Variants in DEF8 observed in about 807,000 individuals in gnomAD.
DEF8 encodes the protein DEF-8.
In DEF8, 38 loss-of-function variants were observed where a neutral mutation model predicts 59.1. The ratio of observed to expected loss-of-function variants is 0.64; its 90% confidence interval spans 0.50 to 0.84. The LOEUF (loss-of-function observed/expected upper bound fraction) is 0.84, where lower values mean the gene tolerates loss of function less well. Ranked by LOEUF, DEF8 falls within the 40% of genes least tolerant of loss-of-function variation. The pLI is 0.00. For missense variants in DEF8, 557 were observed against 615.2 expected (o/e 0.91, Z 1.00); for synonymous variants, 265 against 250.1 (o/e 1.06, Z -0.56).
In DEF8 at chr16:89,965,841, C is replaced by T. The variant is rs371440432; in HGVS notation, c.1254-20C>T. The T allele has an allele frequency of 3.8e-6, 6 of 1,574,742 alleles. No individual in the cohort carries two copies. The highest frequency in any genetic ancestry group is 3.4e-4 in the Middle Eastern group (2 of 5,970). Reference sequence around the variant, plus strand: ...CTGGAGTTTCCTGTGCAGAGAGCCCCGACCTCTTTCTGCCCCCAGGGACTG... The same window carrying T: ...CTGGAGTTTCCTGTGCAGAGAGCCCTGACCTCTTTCTGCCCCCAGGGACTG... On this transcript the variant is annotated intron_variant, in intron 12 of 12. Transcript: ENST00000563594.
Position 89,954,054 on chromosome 16 carries a change from C to A in DEF8, c.-10-189C>A. 6.5e-6 allele frequency: 4 copies of A among 613,716 alleles called. No individual in the cohort carries two copies. The highest frequency in any genetic ancestry group is 1.9e-5 in the African/African-American group (1 of 53,874). 38.0% of individuals were successfully genotyped at this position (613,716 alleles called of 1,614,324 possible). On this transcript the variant is annotated intron_variant, in intron 2 of 12. Transcript: ENST00000563594. This position sits in a 1 kb window ranked among gnomAD's most constrained non-coding sequence, Gnocchi z 4.3. ...CCAAGGGGACGCCACCAGTGGGGGC[C>A]TGGGCAGGAGGCAGCTGAGGTGTTT...
intron 9 of DEF8, among the ~76,000 whole-genome samples, 198 bp from the exon 10 acceptor site, chr16:89,963,165 T>C (rs1255564795): frequency 6.6e-6 from 1 of 152,198 alleles, no homozygotes; most frequent in African/African-American, 2.4e-5. Context: ...GAGGGTTTTC[T>C]GGACCACGGT....
chr16:89,959,393 A>G (rs1269042373), intron 6 of DEF8: 5 of 1,392,944 alleles, frequency 3.6e-6, no homozygotes, highest in Non-Finnish European at 4.7e-6. Context: ...TACAATGAAG[A>G]AAAAGGGAAA....
At chr16:89,958,758 A>C (rs1224025105) in intron 5 of DEF8, among the ~76,000 whole-genome samples, 1 of 152,142 alleles carries the variant, frequency 6.6e-6, no homozygotes, top group Non-Finnish European at 1.5e-5. Flanking sequence ...GTGCAATCCC[A>C]CACAGCCCCT....
chr16:89,963,229 G>A (rs1414260290), intron 9 of DEF8, 134 bp from the exon 10 acceptor site: 3 of 648,532 alleles, frequency 4.6e-6, no homozygotes, highest in African/African-American at 3.8e-5. Context: ...GGGTTTTGGT[G>A]AAGCACTCAG....
In DEF8 at chr16:89,951,987, G is replaced by A. The variant is rs956348607; in HGVS notation, c.-10-2256G>A. ...CCGCTTCCTGGGTTCACGCTATTCT[G>A]CTGCCTCAGCCTCCCGAGTAGCTGG... On this transcript the variant is annotated intron_variant, in intron 2 of 12. Coordinates refer to ENST00000563594, the MANE Select transcript of DEF8 (RefSeq NM_001242818.2). 6.6e-5 allele frequency among the ~76,000 whole-genome samples: 10 copies of A among 151,486 alleles called. No individual in the cohort carries two copies. In the South Asian group the frequency reaches 1.5e-3, roughly 22 times the overall value.
chr16:89,949,299 C>T (rs2151111431), intron 1 of DEF8, 118 bp from the exon 2 acceptor site: 5 of 842,342 alleles, frequency 5.9e-6, no homozygotes, highest in African/African-American at 1.7e-5. Context: ...CTCAGTTTCC[C>T]CCTCGGTGGA....
intron 2 of DEF8, among the ~76,000 whole-genome samples, chr16:89,951,248 T>C (rs1302065637): frequency 2.0e-5 from 3 of 151,860 alleles, no homozygotes; most frequent in Non-Finnish European, 2.9e-5. Context: ...GGATCATCAG[T>C]CAGAATCTTT....
chr16:89,962,226 G>C, intron 9 of DEF8, 101 bp downstream of exon 9: 2 of 1,091,838 alleles, frequency 1.8e-6, no homozygotes, highest in Non-Finnish European at 2.7e-6. Context: ...GGGAGGTTCT[G>C]AGCAGAGGAG....
chr16:89,951,879 A>G (rs1235396950), intron 2 of DEF8, among the ~76,000 whole-genome samples: 2 of 148,694 alleles, frequency 1.3e-5, no homozygotes, highest in African/African-American at 2.6e-5. Flanking sequence ...TATGTAAAAA[A>G]GATTTTTTTT....
In DEF8 at chr16:89,961,081, C is replaced by A. The variant is rs7205299; in HGVS notation, c.665C>A (p.Ala222Glu). 1.9e-6 allele frequency: 3 copies of A among 1,611,818 alleles called. No individual in the cohort carries two copies. The highest frequency in any genetic ancestry group is 2.5e-6 in the Non-Finnish European group (3 of 1,178,230). Residue 222 changes from alanine (A) to glutamate (E), a missense_variant, in exon 7 of 13, where the codon GCG (alanine) becomes GAG (glutamate). By Grantham distance (107) the Ala-to-Glu change is moderately radical. Coordinates refer to ENST00000563594, the MANE Select transcript of DEF8 (RefSeq NM_001242818.2). ...SQDYRCAECR[A>E]PISLRGVPSE... ...GATTACCGCTGTGCCGAGTGCCGGG[C>A]GCCCATCTCTCTGCGTGAGTGGTGG...
At chr16:89,965,369 T>G (rs2034514100) in intron 12 of DEF8, among the ~76,000 whole-genome samples, 1 of 152,234 alleles carries the variant, frequency 6.6e-6, no homozygotes, top group Non-Finnish European at 1.5e-5. Flanking sequence ...AGAGCGATGG[T>G]GTCACACAGA....
chr16:89,961,653 C>T, intron 7 of DEF8, 84 bp from the exon 8 acceptor site: 1 of 1,552,670 alleles, frequency 6.4e-7, no homozygotes, highest in South Asian at 1.1e-5. Flanking sequence ...GGGCTGTGGT[C>T]CATGGGAGGA....
At chr16:89,958,986 G>C in intron 5 of DEF8, 28 bp from the exon 6 acceptor site, 1 of 1,605,524 alleles carries the variant, frequency 6.2e-7, no homozygotes, top group Non-Finnish European at 8.5e-7. Flanking sequence ...GCTCACCTGT[G>C]ACCCCCTCCC....
At chr16:89,950,194 G>A in intron 2 of DEF8, 2 of 986,570 alleles carry the variant, frequency 2.0e-6, no homozygotes, top group Non-Finnish European at 2.4e-6. Flanking sequence ...GGCTTCCCCA[G>A]GCGTAGCTCC....
chr16:89,949,382 G>A (rs528113646), intron 1 of DEF8, 35 bp from the exon 2 acceptor site: 60 of 1,538,782 alleles, frequency 3.9e-5, no homozygotes, highest in South Asian at 5.7e-5. Context: ...GTGGTGGGTG[G>A]GGAGGCACAG....
Position 89,959,068 on chromosome 16 carries a change from A to G in DEF8, c.427A>G (p.Lys143Glu). 4 of 1,613,774 alleles carry G rather than the reference A, an allele frequency of 2.5e-6. No homozygotes were observed. Among genetic ancestry groups the G allele is most frequent in the Non-Finnish European group, 3.4e-6 (4 of 1,180,010 alleles). Residue 143 changes from lysine (K) to glutamate (E), a missense_variant, in exon 6 of 13, where the codon AAG (lysine) becomes GAG (glutamate). Lys to Glu is a moderately conservative substitution (Grantham distance 56). Coordinates refer to ENST00000563594, the MANE Select transcript of DEF8 (RefSeq NM_001242818.2). ...IRVLLEHRFY[K>E]EKSKSVKQTC... ...AGTGCTCCTTGAGCACCGCTTTTACAAGGAGAAGAGCAAGAGCGTCAAGCA... is the reference window on the plus strand; with the variant it reads ...AGTGCTCCTTGAGCACCGCTTTTACGAGGAGAAGAGCAAGAGCGTCAAGCA...
intron 7 of DEF8, 81 bp from the exon 8 acceptor site, chr16:89,961,656 T>C (rs1479758357): frequency 8.3e-6 from 13 of 1,558,436 alleles, no homozygotes; most frequent in Non-Finnish European, 1.1e-5. Flanking sequence ...CTGTGGTCCA[T>C]GGGAGGACAG....
rs2031682520 is a variant in DEF8, at chr16:89,949,921, T to C, written c.-11+408T>C. On this transcript the variant is annotated intron_variant, in intron 2 of 12. Transcript: ENST00000563594. ...GCGTTCTGCTCAGAGTCGGCCACTG[T>C]GGCCGGCATCCCCAGGTCTGTGTGA... 5.3e-6 allele frequency: 4 copies of C among 749,400 alleles called. No individual in the cohort carries two copies. In the African/African-American group the frequency reaches 7.2e-5, roughly 14 times the overall value. The allele number at this position is 749,400 out of a possible 1,614,324, so 46.4% of individuals were successfully genotyped here. A position where few individuals can be genotyped will look rare whatever the true frequency, so the allele number is the denominator to read the frequency against.
Sources: gnomAD v4.1 joint callset for allele counts (sites outside exome capture counted in the v4.1 genomes callset) on GRCh38, gnomAD v4.1.1 for gene constraint, Gnocchi (gnomAD v3.1) non-coding constraint, MANE v1.5 for transcripts, NCBI Gene and HGNC (gene_info 2026-07-23, HGNC 2026-07-21) for gene names.